Variants in LINGO2 observed in about 807,000 individuals in gnomAD.
LINGO2 encodes the protein leucine rich repeat and Ig domain containing 2, also known as leucine-rich repeat and immunoglobulin-like domain-containing nogo receptor-interacting protein 2.
Under a neutral mutation model 30.6 loss-of-function variants are expected in LINGO2, and 14 were observed. That is an observed-to-expected ratio of 0.46 (90% CI 0.30 to 0.72). The LOEUF is 0.72. Among genes scored for constraint, LINGO2 ranks in the 30% least tolerant of loss-of-function variants. The pLI is 0.07. For missense variants in LINGO2, 729 were observed against 751.7 expected (o/e 0.97, Z 0.35); for synonymous variants, 317 against 288.5 (o/e 1.10, Z -1.00).
chr9:28,049,649 C>T (rs1824582111), intron 4 of LINGO2, among the ~76,000 whole-genome samples: 1 of 150,604 alleles, frequency 6.6e-6, no homozygotes, highest in African/African-American at 2.5e-5. Context: ...CCATTTATGT[C>T]ACAAATTGAT....
At chr9:28,354,058 C>T (rs935929016) in intron 3 of LINGO2, among the ~76,000 whole-genome samples, 8 of 151,936 alleles carry the variant, frequency 5.3e-5, no homozygotes, top group South Asian at 2.1e-4. Context: ...TGCTAGATGA[C>T]GAGTTAGTGG....
At position 28,630,597 on chromosome 9, in the gene LINGO2, T is replaced by A. The variant is rs902651386; in HGVS notation, c.-365+39603A>T. Among the ~76,000 whole-genome samples, 8 of 152,084 alleles carry A rather than the reference T, an allele frequency of 5.3e-5. No homozygotes were observed. In the East Asian group the frequency reaches 1.5e-3, roughly 29 times the overall value. ...ATCTATCAGACTAACAACACACATT[T>A]GTCTGGTCTACTTTCATACAGGGAG... On this transcript the variant is annotated intron_variant, in intron 1 of 5. Coordinates refer to ENST00000379992, the Ensembl canonical transcript of LINGO2.
chr9:28,810,150 AG>A, the LINGO2 span, among the ~76,000 whole-genome samples: 3 of 148,532 alleles, frequency 2.0e-5, no homozygotes, highest in South Asian at 6.5e-4. Flanking sequence ...AGAAAAAAAA[AG>A]TTAAGCTGCT....
chr9:29,159,143 G>C, the LINGO2 span, among the ~76,000 whole-genome samples: 1 of 152,124 alleles, frequency 6.6e-6, no homozygotes, highest in Non-Finnish European at 1.5e-5. Context: ...TCATACTGAA[G>C]ATGGAGTTAT....
the LINGO2 span, among the ~76,000 whole-genome samples, chr9:29,140,982 G>A: frequency 6.6e-6 from 1 of 151,352 alleles, no homozygotes; most frequent in Non-Finnish European, 1.5e-5. Context: ...AAAAACATAG[G>A]GGAATGTCTC....
chr9:28,634,485 CTT>C (rs755583837), intron 1 of LINGO2, among the ~76,000 whole-genome samples: 11 of 124,652 alleles, frequency 8.8e-5, no homozygotes, highest in African/African-American at 1.9e-4. Flanking sequence ...TTCTTTTTTT[CTT>C]TTTTTTTTTT....
intron 3 of LINGO2, among the ~76,000 whole-genome samples, chr9:28,315,946 T>A (rs562546878): frequency 1.6e-4 from 24 of 152,258 alleles, no homozygotes; most frequent in African/African-American, 5.8e-4. Context: ...ATCTTCTGAG[T>A]TTCAAATTTA....
chr9:28,611,156 G>C (rs1376218673), intron 1 of LINGO2, among the ~76,000 whole-genome samples: 3 of 152,144 alleles, frequency 2.0e-5, no homozygotes, highest in African/African-American at 4.8e-5. Flanking sequence ...TACATTACCA[G>C]ATGAAGGTCA....
the LINGO2 span, among the ~76,000 whole-genome samples, chr9:29,041,498 C>T: frequency 6.6e-6 from 1 of 151,942 alleles, no homozygotes; most frequent in African/African-American, 2.4e-5. Flanking sequence ...ACTTATACAT[C>T]AATGCAACAT....
At chr9:28,855,057 C>G in the LINGO2 span, among the ~76,000 whole-genome samples, 10 of 151,958 alleles carry the variant, frequency 6.6e-5, no homozygotes, top group African/African-American at 2.4e-4. Flanking sequence ...CCTTTAGGCT[C>G]CTGACCAAGT....
the LINGO2 span, among the ~76,000 whole-genome samples, chr9:28,808,400 A>C: frequency 6.6e-6 from 1 of 152,314 alleles, no homozygotes; most frequent in South Asian, 2.1e-4. Context: ...TTGATTCTAA[A>C]TGCTAAAGTT....
exon 6 of LINGO2, chr9:27,949,508 G>A (rs374960769): frequency 6.2e-6 from 10 of 1,614,002 alleles, no homozygotes; most frequent in Non-Finnish European, 8.5e-6. Context: ...ACCTCTCACG[G>A]ATGGTGTCTG....
At chr9:28,906,642 C>T in the LINGO2 span, among the ~76,000 whole-genome samples, 3 of 151,836 alleles carry the variant, frequency 2.0e-5, no homozygotes, top group Non-Finnish European at 4.4e-5. Flanking sequence ...GATTATATAA[C>T]ATCTACCAGA....
intron 4 of LINGO2, among the ~76,000 whole-genome samples, chr9:28,286,986 T>C (rs1402670729): frequency 6.6e-6 from 1 of 152,194 alleles, no homozygotes; most frequent in Non-Finnish European, 1.5e-5. Context: ...AGAAGTGTGA[T>C]GTTAGCACAG....
chr9:28,347,568 T>C (rs953366239), intron 3 of LINGO2, among the ~76,000 whole-genome samples: 1 of 152,180 alleles, frequency 6.6e-6, no homozygotes, highest in Non-Finnish European at 1.5e-5. Flanking sequence ...AGATATCAAT[T>C]TATTCATTGA....
intron 4 of LINGO2, among the ~76,000 whole-genome samples, chr9:28,032,244 T>G (rs1823715730): frequency 6.6e-6 from 1 of 151,948 alleles, no homozygotes; most frequent in Non-Finnish European, 1.5e-5. Context: ...CAGGTCCAGG[T>G]GCAGGCTGTT....
At chr9:27,949,333 G>T in exon 6 of LINGO2, 1 of 1,614,136 alleles carries the variant, frequency 6.2e-7, no homozygotes, top group Non-Finnish European at 8.5e-7. Context: ...CGCCTTCGGG[G>T]TGTCACCCAG....
At chr9:29,174,787 A>G in the LINGO2 span, among the ~76,000 whole-genome samples, 1 of 152,254 alleles carries the variant, frequency 6.6e-6, no homozygotes, top group Non-Finnish European at 1.5e-5. Flanking sequence ...TGTAATTCAG[A>G]TGCCTATGGT....
the LINGO2 span, among the ~76,000 whole-genome samples, chr9:28,904,745 T>C: frequency 2.0e-5 from 3 of 152,108 alleles, no homozygotes; most frequent in East Asian, 5.8e-4. Context: ...TAGAAATAAT[T>C]AATACTCTTA....
Sources: gnomAD v4.1 joint callset for allele counts (sites outside exome capture counted in the v4.1 genomes callset) on GRCh38, gnomAD v4.1.1 for gene constraint, MANE v1.5 for transcripts, NCBI Gene and HGNC (gene_info 2026-07-23, HGNC 2026-07-21) for gene names.